CAMKMT: variants seen among roughly 807,000 people sequenced by gnomAD.
CAMKMT encodes the protein calmodulin-lysine N-methyltransferase.
In CAMKMT, 53 loss-of-function variants were observed where a neutral mutation model predicts 48.0. The ratio of observed to expected loss-of-function variants is 1.10; its 90% CI spans 0.89 to 1.39. The LOEUF (loss-of-function observed/expected upper bound fraction) is 1.39, where lower values mean the gene tolerates loss of function less well. Ranked by LOEUF, CAMKMT falls within the 40% of genes most tolerant of loss-of-function variation. The probability of loss-of-function intolerance (pLI) is 0.00; values close to 1 mark genes in which losing one functional copy is unlikely to be tolerated. For synonymous variants in CAMKMT, 165 were observed against 152.3 expected (o/e 1.08, Z -0.61); for missense variants, 428 against 402.7 (o/e 1.06, Z -0.54).
At chr2:44,600,090 G>A (rs1335778457) in intron 3 of CAMKMT, among the ~76,000 whole-genome samples, 1 of 151,968 alleles carries the variant, frequency 6.6e-6, no homozygotes, top group Non-Finnish European at 1.5e-5. Context: ...AAGGCTGTTA[G>A]TTATTTCTGT....
rs547092447 is a variant in CAMKMT, at chr2:44,770,008, C to G, written c.895-2028C>G. On this transcript the variant is annotated intron_variant, in intron 10 of 10. Transcript: ENST00000378494. ...TAATTTAGTTTAGTCCTCAAAGACC[C>G]TGTTTTAACCTCTGAAATTGGAAAA... Among the ~76,000 whole-genome samples the G allele has an allele frequency of 1.3e-4, 20 of 152,304 alleles. 2 individuals carry two copies. The South Asian group carries it at 4.1e-3, about 32-fold the overall frequency.
chr2:44,582,331 G>A (rs1470858726), intron 3 of CAMKMT, among the ~76,000 whole-genome samples: 1 of 152,198 alleles, frequency 6.6e-6, no homozygotes, highest in Admixed American at 6.5e-5. Flanking sequence ...CTCACTAACA[G>A]TGCAATGCCA....
At chr2:44,432,653 CTTTG>C (rs1202031376) in intron 3 of CAMKMT, among the ~76,000 whole-genome samples, 3 of 152,046 alleles carry the variant, frequency 2.0e-5, no homozygotes, top group Non-Finnish European at 2.9e-5. Flanking sequence ...CTCTCTGAAA[CTTTG>C]TTTGATACTT....
chr2:44,578,882 A>C (rs1213758314), intron 3 of CAMKMT, among the ~76,000 whole-genome samples: 1 of 152,244 alleles, frequency 6.6e-6, no homozygotes, highest in Non-Finnish European at 1.5e-5. Flanking sequence ...TATTTGGTAC[A>C]GGCATCTTAA....
chr2:44,615,508 C>T (rs957209541), intron 3 of CAMKMT, among the ~76,000 whole-genome samples: 5 of 152,158 alleles, frequency 3.3e-5, no homozygotes, highest in South Asian at 2.1e-4. Context: ...AGAATGGAGA[C>T]GCAAGATAAT....
intron 3 of CAMKMT, among the ~76,000 whole-genome samples, chr2:44,430,980 A>G (rs766014522): frequency 2.6e-5 from 4 of 152,234 alleles, no homozygotes; most frequent in Admixed American, 6.5e-5. Context: ...GTAGCACGTT[A>G]TTAAAAAGTT....
At chr2:44,569,316 CG>C (rs1424220606) in intron 3 of CAMKMT, among the ~76,000 whole-genome samples, 6 of 152,124 alleles carry the variant, frequency 3.9e-5, no homozygotes, top group Non-Finnish European at 7.4e-5. Flanking sequence ...CAAATATCAT[CG>C]GCTTCTTACA....
chr2:44,583,704 A>T (rs1336553051), intron 3 of CAMKMT, among the ~76,000 whole-genome samples: 1 of 151,890 alleles, frequency 6.6e-6, no homozygotes, highest in African/African-American at 2.4e-5. Context: ...GGTGAGGGGG[A>T]AGGATGGCTT....
At chr2:44,628,630 C>T (rs1017342590) in intron 3 of CAMKMT, among the ~76,000 whole-genome samples, 3 of 151,754 alleles carry the variant, frequency 2.0e-5, no homozygotes, top group Non-Finnish European at 2.9e-5. Context: ...ATCCACCTGC[C>T]TCAGTCAAAT....
intron 3 of CAMKMT, among the ~76,000 whole-genome samples, chr2:44,630,653 C>T (rs1283233597): frequency 1.3e-5 from 2 of 151,852 alleles, no homozygotes; most frequent in Admixed American, 1.3e-4. Context: ...AAAATGCTCA[C>T]CATCACTGGC....
At chr2:44,381,940 C>CTTTT (rs11440012) in intron 2 of CAMKMT, among the ~76,000 whole-genome samples, 5 of 124,798 alleles carry the variant, frequency 4.0e-5, no homozygotes, top group Non-Finnish European at 6.6e-5. Context: ...TTATCTTACA[C>CTTTT]TTTTTTTTTT....
intron 3 of CAMKMT, among the ~76,000 whole-genome samples, chr2:44,568,795 A>G (rs987337927): frequency 6.6e-6 from 1 of 152,146 alleles, no homozygotes; most frequent in East Asian, 1.9e-4. Context: ...GAGGGCACAA[A>G]AGACTAAGGT....
chr2:44,407,606 C>T (rs1205520944), intron 3 of CAMKMT, among the ~76,000 whole-genome samples: 4 of 152,076 alleles, frequency 2.6e-5, no homozygotes, highest in African/African-American at 4.8e-5. Flanking sequence ...TCTGATGTAG[C>T]AGTGAAACAT....
chr2:44,479,636 C>T (rs1411332393), intron 3 of CAMKMT, among the ~76,000 whole-genome samples: 1 of 152,168 alleles, frequency 6.6e-6, no homozygotes, highest in African/African-American at 2.4e-5. Flanking sequence ...TAGGTGGCAG[C>T]AGTTCCTACA....
chr2:44,397,642 A>G (rs897195815), intron 3 of CAMKMT, among the ~76,000 whole-genome samples: 3 of 152,170 alleles, frequency 2.0e-5, no homozygotes, highest in Non-Finnish European at 4.4e-5. Flanking sequence ...GTTTGTTATC[A>G]ATTACCAGAG....
rs563833939 is a variant in CAMKMT at position 44,683,758 on chromosome 2, G to A, written c.377-20525G>A. Among the ~76,000 whole-genome samples the A allele has an allele frequency of 2.2e-5, 3 of 135,278 alleles. No individual in the cohort carries two copies. The South Asian group carries it at 7.0e-4, about 32-fold the overall frequency. The allele number at this position is 135,278 out of a possible 152,430, so 88.7% of individuals were successfully genotyped here. ...GAAGGGCGTGAACCCAGGAGGCAGA[G>A]CTTGCAGTGAGCCGAGATCGCGCCA... On this transcript the variant is annotated intron_variant, in intron 3 of 10. Transcript: ENST00000378494.
chr2:44,695,986 A>T (rs1388321231), intron 3 of CAMKMT, among the ~76,000 whole-genome samples: 3 of 152,140 alleles, frequency 2.0e-5, no homozygotes, highest in African/African-American at 7.2e-5. Flanking sequence ...TCTGTCACCC[A>T]GGCTGGAGTG....
At chr2:44,496,155 A>G (rs1160536121) in intron 3 of CAMKMT, among the ~76,000 whole-genome samples, 1 of 152,190 alleles carries the variant, frequency 6.6e-6, no homozygotes, top group Non-Finnish European at 1.5e-5. Flanking sequence ...ACTGTCCTTT[A>G]TATTGACCAA....
At position 44,468,692 on chromosome 2, in the gene CAMKMT, G is replaced by C. The variant is rs1668257261; in HGVS notation, c.376+78387G>C. ...CCAGCACTTTGGGAGGCTGAGGAGA[G>C]AGGATTGTTTGAACCTAGAAGTTTG... On this transcript the variant is annotated intron_variant, in intron 3 of 10. Coordinates refer to ENST00000378494, the MANE Select transcript of CAMKMT (RefSeq NM_024766.5). Among the ~76,000 whole-genome samples the C allele has an allele frequency of 2.6e-5, 4 of 152,184 alleles. 1 individual carries two copies. Among genetic ancestry groups the C allele is most frequent in the Admixed American group, 2.6e-4 (4 of 15,284 alleles).
Sources: allele counts gnomAD v4.1 joint callset (sites outside exome capture counted in the v4.1 genomes callset), GRCh38; gene constraint gnomAD v4.1.1; transcripts MANE v1.5; gene names NCBI Gene and HGNC (gene_info 2026-07-23, HGNC 2026-07-21).